Variants in PRELID2 observed in about 807,000 individuals in gnomAD.
PRELID2 encodes PRELI domain-containing protein 2.
Under a neutral mutation model 28.4 loss-of-function variants are expected in PRELID2, and 25 were observed. The ratio of observed to expected loss-of-function variants is 0.88; its 90% CI spans 0.64 to 1.23. The LOEUF (loss-of-function observed/expected upper bound fraction) is 1.23, where lower values mean the gene tolerates loss of function less well. PRELID2 is among the 50% of genes most tolerant of loss of function. PRELID2 has a pLI of 0.00. For missense variants in PRELID2, 201 were observed against 214.4 expected, an observed-to-expected ratio of 0.94 and a Z score of 0.39; for synonymous variants, 76 against 71.6, an observed-to-expected ratio of 1.06 and a Z score of -0.31.
chr5:145,666,448 T>C (rs1581039203), intron 1 of PRELID2, among the ~76,000 whole-genome samples: 1 of 134,626 alleles, frequency 7.4e-6, no homozygotes. Flanking sequence ...GGGAGTGTTG[T>C]TTTTCAGAAA....
the PRELID2 span, among the ~76,000 whole-genome samples, chr5:145,316,335 A>T: frequency 6.6e-6 from 1 of 152,220 alleles, no homozygotes; most frequent in Non-Finnish European, 1.5e-5. Flanking sequence ...AACCAGTGAC[A>T]TTCTGACATA....
chr5:145,695,044 A>G (rs1046148633), intron 1 of PRELID2, among the ~76,000 whole-genome samples: 5 of 152,218 alleles, frequency 3.3e-5, no homozygotes, highest in African/African-American at 1.2e-4. Flanking sequence ...TAGTGTCCCA[A>G]AAAGTCATGG....
chr5:145,487,021 C>T (rs1410353554), intron 1 of PRELID2, among the ~76,000 whole-genome samples: 2 of 142,214 alleles, frequency 1.4e-5, no homozygotes, highest in East Asian at 2.1e-4. Context: ...TATTCTCACT[C>T]ATAGGTGGGA....
At chr5:145,647,025 C>A (rs1049423150) in intron 1 of PRELID2, among the ~76,000 whole-genome samples, 2 of 152,144 alleles carry the variant, frequency 1.3e-5, no homozygotes, top group African/African-American at 4.8e-5. Context: ...GCATTCTGAC[C>A]CTTAGCAGAG....
At chr5:145,229,602 G>C in the PRELID2 span, 3 of 1,249,932 alleles carry the variant, frequency 2.4e-6, no homozygotes, top group Admixed American at 1.7e-5. Flanking sequence ...GGCAAGCACG[G>C]TGTGGGCTTA....
At position 145,817,207 on chromosome 5, in the gene PRELID2, ATAAAT is replaced by A. The variant is rs1561643750; in HGVS notation, c.368+682_368+686del. Among the ~76,000 whole-genome samples, 355 of 90,726 alleles carry A rather than the reference ATAAAT, an allele frequency of 3.9e-3. 15 individuals carry two copies. Among genetic ancestry groups the A allele is most frequent in the South Asian group, 0.018 (48 of 2,644 alleles). 59.5% of individuals were successfully genotyped at this position (90,726 alleles called of 152,430 possible). On this transcript the variant is annotated intron_variant, in intron 4 of 6. Transcript: ENST00000683046. ...CTGCATTTCAAAAAAAAATAAATAA[ATAAAT>A]AAAAAAAAATATATATATATATATA...
intron 5 of PRELID2, among the ~76,000 whole-genome samples, chr5:145,783,005 G>A (rs1389939835): frequency 6.6e-6 from 1 of 152,204 alleles, no homozygotes; most frequent in Non-Finnish European, 1.5e-5. Context: ...CAGGGCCAGA[G>A]CCCAGGTCTC....
intron 1 of PRELID2, among the ~76,000 whole-genome samples, chr5:145,615,502 A>G (rs1486301481): frequency 2.1e-5 from 3 of 141,954 alleles, no homozygotes; most frequent in Non-Finnish European, 4.5e-5. Context: ...AATTTTTTGT[A>G]TTTTTAGTAG....
intron 1 of PRELID2, among the ~76,000 whole-genome samples, chr5:145,734,293 T>G (rs76542525): frequency 0.024 from 3,638 of 152,200 alleles, 137 homozygotes; most frequent in African/African-American, 0.083. Context: ...AAAACTTGAT[T>G]TTAGTCCAGT....
At chr5:145,401,250 C>T in the PRELID2 span, among the ~76,000 whole-genome samples, 3 of 151,378 alleles carry the variant, frequency 2.0e-5, no homozygotes, top group Admixed American at 6.6e-5. Context: ...TCCATTTAGA[C>T]CCCTAGCCCA....
intron 1 of PRELID2, among the ~76,000 whole-genome samples, chr5:145,530,439 A>G (rs1752646102): frequency 6.6e-6 from 1 of 152,088 alleles, no homozygotes; most frequent in African/African-American, 2.4e-5. Flanking sequence ...TGGGCCTTGA[A>G]GAATGAGTAG....
At chr5:145,254,681 A>G in the PRELID2 span, among the ~76,000 whole-genome samples, 2 of 152,094 alleles carry the variant, frequency 1.3e-5, no homozygotes, top group Non-Finnish European at 2.9e-5. Flanking sequence ...ACACTGTGAT[A>G]CAGATTTGCA....
intron 1 of PRELID2, among the ~76,000 whole-genome samples, chr5:145,490,903 C>T (rs1056386405): frequency 2.0e-5 from 3 of 151,652 alleles, no homozygotes; most frequent in African/African-American, 7.3e-5. Flanking sequence ...CCCACCCCCC[C>T]ATCAAACCCC....
At chr5:145,498,379 G>T (rs1752325681) in intron 1 of PRELID2, among the ~76,000 whole-genome samples, 1 of 152,126 alleles carries the variant, frequency 6.6e-6, no homozygotes, top group Non-Finnish European at 1.5e-5. Flanking sequence ...ATTCTACACA[G>T]TCAAGCATGG....
At chr5:145,311,416 A>G in the PRELID2 span, among the ~76,000 whole-genome samples, 1 of 152,158 alleles carries the variant, frequency 6.6e-6, no homozygotes, top group Non-Finnish European at 1.5e-5. Flanking sequence ...TGGACAAAGA[A>G]GCCTCACATT....
chr5:145,248,808 A>C, the PRELID2 span, among the ~76,000 whole-genome samples: 1 of 152,054 alleles, frequency 6.6e-6, no homozygotes, highest in Non-Finnish European at 1.5e-5. Flanking sequence ...AAAAGAAAAA[A>C]ATCACGTAAG....
At chr5:145,611,918 A>T (rs1753622634) in intron 1 of PRELID2, among the ~76,000 whole-genome samples, 1 of 152,220 alleles carries the variant, frequency 6.6e-6, no homozygotes, top group Non-Finnish European at 1.5e-5. Flanking sequence ...AGCTACAGTT[A>T]TTATGAAAAT....
intron 1 of PRELID2, among the ~76,000 whole-genome samples, chr5:145,555,954 G>A (rs946777459): frequency 1.3e-5 from 2 of 152,040 alleles, no homozygotes; most frequent in South Asian, 2.1e-4. Context: ...TTGGGAAGCC[G>A]ATTGCCTGAG....
chr5:145,315,477 C>G, the PRELID2 span, among the ~76,000 whole-genome samples: 2 of 151,932 alleles, frequency 1.3e-5, no homozygotes, highest in Non-Finnish European at 2.9e-5. Flanking sequence ...ATTTTAGTTT[C>G]ACTCTCTCCA....
Sources: allele counts gnomAD v4.1 joint callset (sites outside exome capture counted in the v4.1 genomes callset), GRCh38; gene constraint gnomAD v4.1.1; transcripts MANE v1.5; gene names NCBI Gene and HGNC (gene_info 2026-07-23, HGNC 2026-07-21).